Variants in CTBS observed in about 807,000 individuals in gnomAD.
CTBS encodes chitobiase.
Under a neutral mutation model 44.3 loss-of-function variants are expected in CTBS, and 35 were observed. The ratio of observed to expected loss-of-function variants is 0.79; its 90% CI spans 0.60 to 1.05. The LOEUF (loss-of-function observed/expected upper bound fraction) is 1.05, where lower values mean the gene tolerates loss of function less well. CTBS is among the 50% of genes least tolerant of loss of function. The probability of loss-of-function intolerance (pLI) is 0.00; values close to 1 mark genes in which losing one functional copy is unlikely to be tolerated. For synonymous variants in CTBS, 143 were observed against 168.0 expected (o/e 0.85, Z 1.15); for missense variants, 458 against 475.3 (o/e 0.96, Z 0.34).
At position 84,574,211 on chromosome 1, in the gene CTBS, A is replaced by G. The variant is rs369111221; in HGVS notation, c.177+28T>C. 42 of 1,598,578 alleles carry G rather than the reference A, an allele frequency of 2.6e-5. No individual in the cohort carries two copies. The African/African-American group carries it at 5.5e-4, about 21-fold the overall frequency. On this transcript the variant is annotated intron_variant, in intron 1 of 6. Transcript: ENST00000370630. ...CTTCTCTTCGTGCCCTGAAGCCCAG[A>G]CCTAGAGGAGCAGAGGAAGGCGCTG...
rs1355309961 is a variant in CTBS at position 84,563,816 on chromosome 1, G to A, written c.714C>T (p.Ile238=). 4 of 1,606,546 alleles carry A rather than the reference G, an allele frequency of 2.5e-6. No individual in the cohort carries two copies. The highest frequency in any genetic ancestry group is 3.4e-6 in the Non-Finnish European group (4 of 1,175,784). ...NQTLTGYNDY[I]KMSINPKKLV... is the part of the protein sequence containing the mutation. The stretch of plus-strand genomic sequence containing the variant: ...GTTTCTTAGGATTAATGCTCATCTT[G>A]ATGTAGTCATTATATCCTAGTCAAG... Residue 238 remains isoleucine (I), a synonymous_variant, in exon 5 of 7, where the codon ATC becomes ATT. Coordinates refer to ENST00000370630, the MANE Select transcript of CTBS (RefSeq NM_004388.3).
Position 84,553,069 on chromosome 1 carries a change from T to TCA in CTBS, c.*1929_*1930insTG. 1 of 1,531,480 alleles carries TCA rather than the reference T, an allele frequency of 6.5e-7. No individual in the cohort carries two copies. The highest frequency in any genetic ancestry group is 8.8e-7 in the Non-Finnish European group (1 of 1,140,414). The allele number at this position is 1,531,480 out of a possible 1,614,324, so 94.9% of individuals were successfully genotyped here. On this transcript the variant is annotated 3_prime_UTR_variant, in exon 7 of 7. Transcript: ENST00000370630. ...CAAGCAGTTTCAGATTTACGAACAT[T>TCA]GAAAACTGAACTGGCACAGAAAAAA... is the stretch of plus-strand genomic sequence containing the variant.
Position 84,563,380 on chromosome 1 carries a change from C to T in CTBS, c.834G>A (p.Gly278=). Residue 278 remains glycine (G), a synonymous_variant, in exon 6 of 7, where the codon GGG becomes GGA. Coordinates refer to ENST00000370630, the MANE Select transcript of CTBS (RefSeq NM_004388.3). ...VCTIAKVPFR[G]APCSDAAGRQ... ...GTCCTGCAGCGTCACTACAAGGAGC[C>T]CCCCGGAAAGGGACTTTTGCAATGG... 1 of 1,578,196 alleles carries T rather than the reference C, an allele frequency of 6.3e-7. No homozygotes were observed.
rs1262042263 is a variant in CTBS at position 84,574,315 on chromosome 1, C to A, written c.101G>T (p.Arg34Leu). 6.4e-7 allele frequency: 1 copy of A among 1,569,152 alleles called. No individual in the cohort carries two copies. The highest frequency in any genetic ancestry group is 1.2e-5 in the South Asian group (1 of 85,816). The stretch of plus-strand genomic sequence containing the variant: ...TGGGCAGTCGGTCCCGGCCGCGAGC[C>A]GCAGCGCCAGCAGCGCCAGCAGCGC... ...LLALLALLAL[R>L]LAAGTDCPCP... The change falls in exon 1 of 7, where the codon CGG becomes CTG. Residue 34 changes from arginine to leucine, a missense_variant. Physicochemically the swap from Arg to Leu is moderately radical, Grantham distance 102 (BLOSUM62 -2). Transcript: ENST00000370630.
intron 6 of CTBS, among the ~76,000 whole-genome samples, chr1:84,558,880 G>T (rs1341840676): frequency 1.3e-5 from 2 of 152,076 alleles, no homozygotes; most frequent in East Asian, 3.9e-4. Context: ...CATCCTGGGT[G>T]ACAGAGCAAA....
rs1468660505 is a variant in CTBS at position 84,569,842 on chromosome 1, T to C, written c.525+89A>G. 1.0e-5 allele frequency: 12 copies of C among 1,177,594 alleles called. No individual in the cohort carries two copies. The Admixed American group carries it at 3.1e-4, about 30-fold the overall frequency. 72.9% of individuals were successfully genotyped at this position (1,177,594 alleles called of 1,614,324 possible). A position where few individuals can be genotyped will look rare whatever the true frequency, so the allele number is the denominator to read the frequency against. On this transcript the variant is annotated intron_variant, in intron 3 of 6. Transcript: ENST00000370630. ...CTGAAACTCTTTCCCATTGCATTAC[T>C]ATAAAACAAAGATTATATTAGTTAT... is the stretch of plus-strand genomic sequence containing the variant.
chr1:84,552,312 C>T lies in CTBS; in HGVS notation c.*2687G>A, dbSNP rs1684298057. 1 of 152,172 alleles carries T rather than the reference C, an allele frequency of 6.6e-6. No individual in the cohort carries two copies. The highest frequency in any genetic ancestry group is 1.5e-5 in the Non-Finnish European group (1 of 68,042). The allele number at this position is 152,172 out of a possible 1,614,324, so 9.4% of individuals were successfully genotyped here. On this transcript the variant is annotated 3_prime_UTR_variant, in exon 7 of 7. Transcript: ENST00000370630. ...CTGTTTAAAAATGCAGGATCTGACTCAGTAGGTCTGGGTGCAGCCTGAGAT... is the reference window on the plus strand; with the variant it reads ...CTGTTTAAAAATGCAGGATCTGACTTAGTAGGTCTGGGTGCAGCCTGAGAT...
At chr1:84,572,228 ATTTT>A (rs201904839) in intron 1 of CTBS, among the ~76,000 whole-genome samples, 1 of 151,876 alleles carries the variant, frequency 6.6e-6, no homozygotes. Context: ...ATTTTTTTTA[ATTTT>A]TTTTAACTTT....
chr1:84,572,434 C>A (rs1457579541), intron 1 of CTBS, among the ~76,000 whole-genome samples: 2 of 145,464 alleles, frequency 1.4e-5, no homozygotes, highest in African/African-American at 5.1e-5. Flanking sequence ...TAACAGATAT[C>A]CTTAAAAAAA....
chr1:84,567,121 G>C (rs971732477), intron 3 of CTBS, among the ~76,000 whole-genome samples: 1 of 152,042 alleles, frequency 6.6e-6, no homozygotes, highest in Non-Finnish European at 1.5e-5. Flanking sequence ...AGATACTTTA[G>C]GTAACATTTT....
rs1360964360 is a variant in CTBS, at chr1:84,553,908, T to C, written c.*1091A>G. ...ATTCCCTGGAGAAAGAAAACAGACT[T>C]TATTACATTTAGAAAACTTATTTGT... is the stretch of plus-strand genomic sequence containing the variant. On this transcript the variant is annotated 3_prime_UTR_variant, in exon 7 of 7. Coordinates refer to ENST00000370630, the MANE Select transcript of CTBS (RefSeq NM_004388.3). The C allele has an allele frequency of 6.6e-6, 1 of 152,200 alleles. No homozygotes were observed. The highest frequency in any genetic ancestry group is 1.5e-5 in the Non-Finnish European group (1 of 68,032). The allele number at this position is 152,200 out of a possible 1,614,324, so 9.4% of individuals were successfully genotyped here.
chr1:84,570,766 T>C (rs1428508323), intron 1 of CTBS, 46 bp from the exon 2 acceptor site: 10 of 1,584,628 alleles, frequency 6.3e-6, no homozygotes, highest in Non-Finnish European at 8.6e-6. Flanking sequence ...AAGAATATTA[T>C]GCTGACCGTC....
At position 84,550,921 on chromosome 1, in the gene CTBS, G is replaced by A. The variant is rs1684251661; in HGVS notation, c.*4078C>T. On this transcript the variant is annotated 3_prime_UTR_variant, in exon 7 of 7. Transcript: ENST00000370630. ...ATGGGTAATCGTTTCATTTTTTCTG[G>A]TTATTTTCATATGTATTCTATTATT... The A allele has an allele frequency of 1.0e-6, 1 of 977,652 alleles. No individual in the cohort carries two copies. The highest frequency in any genetic ancestry group is 1.2e-6 in the Non-Finnish European group (1 of 823,236). The allele number at this position is 977,652 out of a possible 1,614,324, so 60.6% of individuals were successfully genotyped here.
In CTBS at chr1:84,551,331, A is replaced by C; in HGVS notation, c.*3668T>G. The C allele has an allele frequency of 1.1e-6, 1 of 924,838 alleles. No individual in the cohort carries two copies. The highest frequency in any genetic ancestry group is 1.3e-6 in the Non-Finnish European group (1 of 774,890). 57.3% of individuals were successfully genotyped at this position (924,838 alleles called of 1,614,324 possible). A position where few individuals can be genotyped will look rare whatever the true frequency, so the allele number is the denominator to read the frequency against. ...TTTTTAAAAAAATTTTAAAAAGAAA[A>C]AAGAAAATCAGTACTGTCCTCGGTT... is the stretch of plus-strand genomic sequence containing the variant. On this transcript the variant is annotated 3_prime_UTR_variant, in exon 7 of 7. Coordinates refer to ENST00000370630, the MANE Select transcript of CTBS (RefSeq NM_004388.3).
Position 84,566,118 on chromosome 1 carries a change from G to A in CTBS, c.526-106C>T, listed in dbSNP as rs560236126. 33 of 561,632 alleles carry A rather than the reference G, an allele frequency of 5.9e-5. No individual in the cohort carries two copies. The South Asian group carries it at 1.8e-3, about 31-fold the overall frequency. The allele number at this position is 561,632 out of a possible 1,614,324, so 34.8% of individuals were successfully genotyped here. On this transcript the variant is annotated intron_variant, in intron 3 of 6. Transcript: ENST00000370630. ...TTTACCTTATACTACACAAGGAAAA[G>A]GAACTGCTTACAGTATATGAATGTA...
chr1:84,550,922 T>G lies in CTBS; in HGVS notation c.*4077A>C, dbSNP rs35859116. The G allele has an allele frequency of 6.8e-3, 6,678 of 978,262 alleles. 27 individuals are homozygous for G. The highest frequency in any genetic ancestry group is 7.4e-3 in the Non-Finnish European group (6,074 of 823,444). 60.6% of individuals were successfully genotyped at this position (978,262 alleles called of 1,614,324 possible). A position where few individuals can be genotyped will look rare whatever the true frequency, so the allele number is the denominator to read the frequency against. On this transcript the variant is annotated 3_prime_UTR_variant, in exon 7 of 7. Coordinates refer to ENST00000370630, the MANE Select transcript of CTBS (RefSeq NM_004388.3). ...TGGGTAATCGTTTCATTTTTTCTGG[T>G]TATTTTCATATGTATTCTATTATTT...
At chr1:84,560,254 C>T (rs918886254) in intron 6 of CTBS, among the ~76,000 whole-genome samples, 3 of 152,046 alleles carry the variant, frequency 2.0e-5, no homozygotes, top group Non-Finnish European at 4.4e-5. Context: ...CCTTTCCCAC[C>T]ACCACCTTTC....
chr1:84,573,764 T>C (rs1280525472), intron 1 of CTBS, among the ~76,000 whole-genome samples: 3 of 152,198 alleles, frequency 2.0e-5, no homozygotes, highest in African/African-American at 2.4e-5. Context: ...CCACTCTTCA[T>C]GGGTGGTTTT....
chr1:84,556,859 T>G (rs942776111), intron 6 of CTBS, among the ~76,000 whole-genome samples: 4 of 152,134 alleles, frequency 2.6e-5, no homozygotes, highest in African/African-American at 9.7e-5. Context: ...TTTTTAGAAC[T>G]AGACAAAGCC....
Sources: gnomAD v4.1 joint callset for allele counts (sites outside exome capture counted in the v4.1 genomes callset) on GRCh38, gnomAD v4.1.1 for gene constraint, MANE v1.5 for transcripts, NCBI Gene and HGNC (gene_info 2026-07-23, HGNC 2026-07-21) for gene names.